Variants in PLD5 observed in about 807,000 individuals in gnomAD.
The protein encoded by PLD5 is phospholipase D family member 5, also known as inactive phospholipase D5.
PLD5 carries 36 observed loss-of-function variants against 61.1 expected under a neutral mutation model. The observed-to-expected ratio is 0.59, with a 90% CI of 0.45 to 0.78. The LOEUF (loss-of-function observed/expected upper bound fraction) is 0.78, where lower values mean the gene tolerates loss of function less well. Ranked by LOEUF, PLD5 falls within the 30% of genes least tolerant of loss-of-function variation. The pLI is 0.00. For missense variants in PLD5, 515 were observed against 644.4 expected (o/e 0.80, Z 2.17); for synonymous variants, 243 against 242.8 (o/e 1.00, Z -0.01).
rs1668733341 is a variant in PLD5, at chr1:242,197,802, T to C, written c.735+22186A>G. Among the ~76,000 whole-genome samples, 3 of 152,096 alleles carry C rather than the reference T, an allele frequency of 2.0e-5. No individual in the cohort carries two copies. In the South Asian group the frequency reaches 6.2e-4, roughly 32 times the overall value. On this transcript the variant is annotated intron_variant, in intron 5 of 9. Transcript: ENST00000536534. ...GGTACCTGCCATTATGCCCGGCTAATTTTTGTATTTTTGCAAAGACGGGGT... is the reference window on the plus strand; with the variant it reads ...GGTACCTGCCATTATGCCCGGCTAACTTTTGTATTTTTGCAAAGACGGGGT...
chr1:242,349,584 C>T (rs1660357454), intron 1 of PLD5, among the ~76,000 whole-genome samples: 1 of 151,976 alleles, frequency 6.6e-6, no homozygotes, highest in African/African-American at 2.4e-5. Flanking sequence ...TTAGAAATAC[C>T]AGCTGAATGT....
intron 2 of PLD5, among the ~76,000 whole-genome samples, chr1:242,289,703 T>C (rs979972939): frequency 1.3e-5 from 2 of 152,190 alleles, no homozygotes; most frequent in African/African-American, 4.8e-5. Flanking sequence ...AAATACCTGT[T>C]AGGTGCTTCC....
intron 4 of PLD5, among the ~76,000 whole-genome samples, chr1:242,228,481 A>T (rs400904): frequency 0.4 from 60,358 of 151,994 alleles, 12,163 homozygotes; most frequent in East Asian, 0.48. Flanking sequence ...GTGGGCACTA[A>T]CCTAAGCTGA....
At chr1:242,157,498 A>G (rs1665479816) in intron 5 of PLD5, among the ~76,000 whole-genome samples, 1 of 152,138 alleles carries the variant, frequency 6.6e-6, no homozygotes, top group Admixed American at 6.5e-5. Flanking sequence ...GGATTTATCT[A>G]ACTTTGGTCT....
At chr1:242,252,542 C>T (rs1200087240) in intron 4 of PLD5, among the ~76,000 whole-genome samples, 2 of 152,212 alleles carry the variant, frequency 1.3e-5, no homozygotes, top group African/African-American at 2.4e-5. Context: ...ACAAGACTAT[C>T]TCTACAACAA....
chr1:242,361,614 A>G (rs1661068439), intron 1 of PLD5, among the ~76,000 whole-genome samples: 1 of 152,208 alleles, frequency 6.6e-6, no homozygotes, highest in Admixed American at 6.5e-5. Context: ...GCATCAGCCA[A>G]TCTGTACTTT....
intron 7 of PLD5, among the ~76,000 whole-genome samples, chr1:242,108,165 A>G (rs1326188391): frequency 6.6e-6 from 1 of 152,146 alleles, no homozygotes. Flanking sequence ...TCAGTCCACT[A>G]AGAACTGATT....
intron 1 of PLD5, among the ~76,000 whole-genome samples, chr1:242,394,898 T>TTATATATGATATA (rs1553366817): frequency 9.7e-6 from 1 of 102,614 alleles, no homozygotes; most frequent in African/African-American, 3.9e-5. Flanking sequence ...ATATATATGA[T>TTATATATGATATA]TATATATGAA....
chr1:242,252,911 A>C (rs1436001669), intron 4 of PLD5, among the ~76,000 whole-genome samples: 6 of 143,984 alleles, frequency 4.2e-5, no homozygotes, highest in Non-Finnish European at 9.0e-5. Flanking sequence ...CCGCCTCCTG[A>C]GTTCAAACAG....
upstream of PLD5, among the ~76,000 whole-genome samples, chr1:242,528,753 T>C (rs1429879648): frequency 6.6e-6 from 1 of 152,190 alleles, no homozygotes. Flanking sequence ...GCCATGTAAG[T>C]CAGAGAGTCT....
At chr1:242,135,075 T>A (rs1331547093) in intron 5 of PLD5, among the ~76,000 whole-genome samples, 1 of 152,204 alleles carries the variant, frequency 6.6e-6, no homozygotes, top group Non-Finnish European at 1.5e-5. Context: ...AACTGACAAA[T>A]TCCTTAGCAT....
chr1:242,214,855 A>G (rs1031253278), intron 5 of PLD5, among the ~76,000 whole-genome samples: 1 of 143,672 alleles, frequency 7.0e-6, no homozygotes, highest in Non-Finnish European at 1.5e-5. Flanking sequence ...AGTCCACTCG[A>G]TATGTCATTA....
intron 3 of PLD5, among the ~76,000 whole-genome samples, chr1:242,274,389 C>T (rs1674286790): frequency 6.6e-6 from 1 of 152,062 alleles, no homozygotes; most frequent in Admixed American, 6.5e-5. Flanking sequence ...CTGTTTCTAT[C>T]AAACAAAAAT....
intron 5 of PLD5, among the ~76,000 whole-genome samples, chr1:242,148,535 T>C: frequency 6.6e-6 from 1 of 151,098 alleles, no homozygotes; most frequent in Non-Finnish European, 1.5e-5. Flanking sequence ...CCTGAGGGGA[T>C]TTTAGTTGGA....
chr1:242,218,952 G>C (rs566531797), intron 5 of PLD5, among the ~76,000 whole-genome samples: 1 of 152,292 alleles, frequency 6.6e-6, no homozygotes, highest in Admixed American at 6.5e-5. Flanking sequence ...TCAATTCATT[G>C]AAACTGTTAT....
At chr1:242,112,922 A>G (rs1024740368) in intron 7 of PLD5, among the ~76,000 whole-genome samples, 1 of 152,332 alleles carries the variant, frequency 6.6e-6, no homozygotes, top group Middle Eastern at 3.4e-3. Flanking sequence ...ATGATTTCCC[A>G]AAGAGTTTGT....
chr1:242,230,186 C>T (rs1249231589), intron 4 of PLD5, among the ~76,000 whole-genome samples: 8 of 152,132 alleles, frequency 5.3e-5, no homozygotes, highest in Non-Finnish European at 1.0e-4. Context: ...GTGTTTATGC[C>T]TAATCCCATA....
intron 1 of PLD5, among the ~76,000 whole-genome samples, chr1:242,398,494 C>A (rs576631956): frequency 6.6e-6 from 1 of 152,316 alleles, no homozygotes; most frequent in African/African-American, 2.4e-5. Context: ...TTCATAACCA[C>A]CTCCAGCATA....
chr1:242,444,852 GTTA>G (rs1280821995), intron 1 of PLD5, among the ~76,000 whole-genome samples: 3 of 150,744 alleles, frequency 2.0e-5, no homozygotes, highest in Non-Finnish European at 4.4e-5. Flanking sequence ...ATCTCATACA[GTTA>G]TTGACATGTG....
Sources: gnomAD v4.1 joint callset for allele counts (sites outside exome capture counted in the v4.1 genomes callset) on GRCh38, gnomAD v4.1.1 for gene constraint, MANE v1.5 for transcripts, NCBI Gene and HGNC (gene_info 2026-07-23, HGNC 2026-07-21) for gene names.